The following CENPE variants were observed in gnomAD, a reference collection of about 807,000 sequenced individuals.
CENPE encodes centromere-associated protein E.
Under a neutral mutation model 336.1 loss-of-function variants are expected in CENPE, and 145 were observed. The ratio of observed to expected loss-of-function variants is 0.43; its 90% confidence interval spans 0.38 to 0.50. CENPE has a LOEUF of 0.50. Among genes scored for constraint, CENPE ranks in the 20% least tolerant of loss-of-function variants. The probability of loss-of-function intolerance (pLI) is 0.00; values close to 1 mark genes in which losing one functional copy is unlikely to be tolerated. For missense variants in CENPE, 2,719 were observed against 3,023.3 expected, an observed-to-expected ratio of 0.90 and a Z score of 2.36; for synonymous variants, 1,013 against 984.8, an observed-to-expected ratio of 1.03 and a Z score of -0.54.
chr4:103,166,451 G>T (rs898623846), intron 16 of CENPE, among the ~76,000 whole-genome samples: 1 of 152,098 alleles, frequency 6.6e-6, no homozygotes, highest in Non-Finnish European at 1.5e-5. Context: ...ATGACATTTT[G>T]CACTTCATTA....
In CENPE at chr4:103,145,690, T is replaced by A. The variant is rs373480087; in HGVS notation, c.4414-9A>T. On this transcript the variant is annotated splice_polypyrimidine_tract_variant and intron_variant, in intron 30 of 48. Coordinates refer to ENST00000265148, the MANE Select transcript of CENPE (RefSeq NM_001813.3). ...TCTTCAGTTTCCAGGTGCTTTATTA[T>A]TAGAGGAAATTCCAATAAATTTATA... is the stretch of plus-strand genomic sequence containing the variant. 6.9e-5 allele frequency: 108 copies of A among 1,565,366 alleles called. No homozygotes were observed. The highest frequency in any genetic ancestry group is 8.8e-5 in the Non-Finnish European group (102 of 1,164,370).
intron 41 of CENPE, 88 bp from the exon 42 acceptor site, chr4:103,132,984 A>ATAT (rs1578575064): frequency 2.7e-5 from 5 of 187,802 alleles, no homozygotes; most frequent in African/African-American, 2.5e-5. Context: ...ATATATATAT[A>ATAT]AAATAAAAAG....
At chr4:103,187,905 A>G (rs1469220200) in intron 8 of CENPE, among the ~76,000 whole-genome samples, 2 of 152,194 alleles carry the variant, frequency 1.3e-5, no homozygotes, top group Non-Finnish European at 2.9e-5. Flanking sequence ...AACCCATCTC[A>G]TGTGCAGAGA....
intron 24 of CENPE, among the ~76,000 whole-genome samples, chr4:103,157,059 C>CAAAAAA (rs34199706): frequency 2.0e-5 from 2 of 98,026 alleles, no homozygotes; most frequent in Non-Finnish European, 2.1e-5. Flanking sequence ...TGGCTACTAT[C>CAAAAAA]AAAAAAAAAA....
intron 47 of CENPE, among the ~76,000 whole-genome samples, chr4:103,109,673 T>A (rs547687607): frequency 3.3e-5 from 5 of 152,192 alleles, no homozygotes; most frequent in Non-Finnish European, 7.4e-5. Flanking sequence ...CTTGTTTTTA[T>A]CCCTATTGGG....
intron 9 of CENPE, among the ~76,000 whole-genome samples, chr4:103,184,961 T>C (rs1031559443): frequency 6.6e-6 from 1 of 152,196 alleles, no homozygotes. Context: ...CATTTAAGTA[T>C]GCTTCTCCAT....
At chr4:103,158,506 A>C in intron 23 of CENPE, 48 bp from the exon 24 acceptor site, 1 of 1,511,756 alleles carries the variant, frequency 6.6e-7, no homozygotes, top group Non-Finnish European at 8.9e-7. Context: ...TATGAAACAA[A>C]ATTATTTTGT....
intron 43 of CENPE, among the ~76,000 whole-genome samples, chr4:103,122,101 A>C (rs1750682421): frequency 6.6e-6 from 1 of 152,164 alleles, no homozygotes; most frequent in South Asian, 2.1e-4. Flanking sequence ...ATATTGGTAG[A>C]TGGATTTCAT....
At chr4:103,116,004 TGA>T (rs1248305432) in intron 45 of CENPE, among the ~76,000 whole-genome samples, 3 of 152,192 alleles carry the variant, frequency 2.0e-5, no homozygotes, top group Non-Finnish European at 4.4e-5. Context: ...GTGCTGGGAT[TGA>T]GAACGTATTT....
Position 103,139,851 on chromosome 4 carries a change from T to C in CENPE, c.6142A>G (p.Lys2048Glu). 1 of 1,612,980 alleles carries C rather than the reference T, an allele frequency of 6.2e-7. No homozygotes were observed. Among genetic ancestry groups the C allele is most frequent in the East Asian group, 2.2e-5 (1 of 44,748 alleles). Residue 2048 changes from lysine (K) to glutamate (E), a missense_variant, in exon 38 of 49, where the codon AAA becomes GAA. Coordinates refer to ENST00000265148, the MANE Select transcript of CENPE (RefSeq NM_001813.3). ...AKERDELRRI[K>E]ESLKMERDQF... ...TCCCTTTCCATTTTGAGAGATTCTT[T>C]TATCCTCCTTAGCTCATCTCTTTCT...
At chr4:103,108,702 C>A (rs1749113093) in intron 48 of CENPE, 101 bp downstream of exon 48, 1 of 1,127,484 alleles carries the variant, frequency 8.9e-7, no homozygotes. Context: ...GCTTACTCAA[C>A]TAAATCATCT....
intron 9 of CENPE, among the ~76,000 whole-genome samples, chr4:103,185,056 G>C (rs1756646711): frequency 6.6e-6 from 1 of 152,118 alleles, no homozygotes; most frequent in Admixed American, 6.5e-5. Flanking sequence ...TGTAATCCCA[G>C]AACTTTGGGA....
At chr4:103,182,144 T>G (rs969156626) in intron 11 of CENPE, among the ~76,000 whole-genome samples, 1 of 151,676 alleles carries the variant, frequency 6.6e-6, no homozygotes, top group Non-Finnish European at 1.5e-5. Context: ...TAGGCTGGAG[T>G]GCAATGGCGC....
chr4:103,110,741 C>A (rs1434753238), intron 47 of CENPE, 87 bp downstream of exon 47: 2 of 961,712 alleles, frequency 2.1e-6, no homozygotes, highest in African/African-American at 1.7e-5. Context: ...AGTGTTACCA[C>A]CTGCAAAAAA....
chr4:103,184,672 A>G (rs1756608726), intron 9 of CENPE, among the ~76,000 whole-genome samples: 1 of 152,066 alleles, frequency 6.6e-6, no homozygotes, highest in South Asian at 2.1e-4. Flanking sequence ...TGGATTTTCT[A>G]TTCTATTTCA....
chr4:103,193,279 G>T (rs1757504255), intron 8 of CENPE, among the ~76,000 whole-genome samples: 1 of 151,990 alleles, frequency 6.6e-6, no homozygotes, highest in African/African-American at 2.4e-5. Context: ...AGAGGTTAGG[G>T]TTTGGTTTTT....
chr4:103,174,672 A>C, intron 16 of CENPE, 64 bp downstream of exon 16: 1 of 1,194,402 alleles, frequency 8.4e-7, no homozygotes, highest in Non-Finnish European at 1.1e-6. Context: ...ACATTATAGA[A>C]AAAAGAGAAT....
chr4:103,198,168 A>C, intron 1 of CENPE, 96 bp downstream of exon 1: 1 of 1,202,004 alleles, frequency 8.3e-7, no homozygotes, highest in African/African-American at 1.5e-5. Flanking sequence ...AGAGCCGGGA[A>C]GCAGCGGCTC....
At chr4:103,181,531 T>G in intron 11 of CENPE, 75 bp from the exon 12 acceptor site, 1 of 1,259,350 alleles carries the variant, frequency 7.9e-7, no homozygotes, top group Non-Finnish European at 1.1e-6. Context: ...TATTTAGCTT[T>G]CTTATATTCA....
Sources: allele counts gnomAD v4.1 joint callset (sites outside exome capture counted in the v4.1 genomes callset), GRCh38; gene constraint gnomAD v4.1.1; transcripts MANE v1.5; gene names NCBI Gene and HGNC (gene_info 2026-07-23, HGNC 2026-07-21).